The following ASTN2 variants were observed in gnomAD, a reference collection of about 807,000 sequenced individuals.
The protein encoded by ASTN2 is astrotactin-2.
ASTN2 carries 54 observed loss-of-function variants against 139.8 expected under a neutral mutation model. The ratio of observed to expected loss-of-function variants is 0.39; its 90% CI spans 0.31 to 0.48. The LOEUF (loss-of-function observed/expected upper bound fraction) is 0.48, where lower values mean the gene tolerates loss of function less well. Ranked by LOEUF, ASTN2 falls within the 20% of genes least tolerant of loss-of-function variation. The pLI is 0.95. For missense variants in ASTN2, 1,565 were observed against 1,725.1 expected, an observed-to-expected ratio of 0.91 and a Z score of 1.64; for synonymous variants, 756 against 719.5, an observed-to-expected ratio of 1.05 and a Z score of -0.81.
chr9:117,409,429 C>T (rs889991462), intron 1 of ASTN2, among the ~76,000 whole-genome samples: 8 of 152,158 alleles, frequency 5.3e-5, no homozygotes, highest in Non-Finnish European at 7.4e-5. Flanking sequence ...GTCCATTCTT[C>T]GAATGTCTGC....
intron 19 of ASTN2, among the ~76,000 whole-genome samples, chr9:116,566,222 G>A (rs1853224382): frequency 6.6e-6 from 1 of 152,156 alleles, no homozygotes; most frequent in Non-Finnish European, 1.5e-5. Context: ...AATCAATGTT[G>A]AGTCATGCAC....
At chr9:117,173,581 A>G (rs1379797310) in intron 3 of ASTN2, among the ~76,000 whole-genome samples, 1 of 152,122 alleles carries the variant, frequency 6.6e-6, no homozygotes, top group Non-Finnish European at 1.5e-5. Flanking sequence ...AGTGTTAATA[A>G]CAAAAAGTTT....
chr9:116,835,716 C>T (rs892289227), intron 11 of ASTN2, among the ~76,000 whole-genome samples: 24 of 152,132 alleles, frequency 1.6e-4, no homozygotes, highest in Admixed American at 8.5e-4. Context: ...TGTCACAGGC[C>T]GTGGTCACTC....
At position 116,699,074 on chromosome 9, in the gene ASTN2, G is replaced by T. The variant is rs780303807; in HGVS notation, c.2806+26697C>A. On this transcript the variant is annotated intron_variant, in intron 16 of 22. Transcript: ENST00000313400. The surrounding 1 kb of genome is among the most constrained non-coding windows in gnomAD (Gnocchi z 4.2). The stretch of plus-strand genomic sequence containing the variant: ...TGAACTGCCAGGGGCTGATTGGTGT[G>T]ACTGACAGCTATGATAACTCCCTCA... 2.5e-6 allele frequency: 4 copies of T among 1,613,996 alleles called. No individual in the cohort carries two copies. The highest frequency in any genetic ancestry group is 3.4e-6 in the Non-Finnish European group (4 of 1,179,978).
At chr9:116,966,854 G>A (rs902690941) in intron 10 of ASTN2, among the ~76,000 whole-genome samples, 1 of 151,958 alleles carries the variant, frequency 6.6e-6, no homozygotes, top group Non-Finnish European at 1.5e-5. Context: ...ACACTTAATA[G>A]ACCAAATGCT....
chr9:116,426,773 A>G (rs139010358), intron 22 of ASTN2, among the ~76,000 whole-genome samples: 1 of 151,876 alleles, frequency 6.6e-6, no homozygotes, highest in African/African-American at 2.4e-5. Flanking sequence ...TATGTCCCCA[A>G]ATCAGAACTT....
Position 117,280,064 on chromosome 9 carries a change from T to C in ASTN2, c.630+11262A>G, listed in dbSNP as rs143350236. ...TCCTCCAATTTGTGACAATTACTGT[T>C]TTCCTTGTTGTTGTTTTTGTTGTTT... On this transcript the variant is annotated intron_variant, in intron 2 of 22. Coordinates refer to ENST00000313400, the MANE Select transcript of ASTN2 (RefSeq NM_001365068.1). Among the ~76,000 whole-genome samples, 74 of 152,342 alleles carry C rather than the reference T, an allele frequency of 4.9e-4. No homozygotes were observed. In the Middle Eastern group the frequency reaches 0.01, roughly 21 times the overall value.
At chr9:116,979,520 A>AGGGGC (rs1836448825) in intron 7 of ASTN2, among the ~76,000 whole-genome samples, 1 of 152,168 alleles carries the variant, frequency 6.6e-6, no homozygotes, top group Admixed American at 6.5e-5. Context: ...CAAAGCGAGG[A>AGGGGC]GGGGCAGGAG....
intron 13 of ASTN2, among the ~76,000 whole-genome samples, chr9:116,791,944 G>T (rs1465032649): frequency 6.6e-6 from 1 of 152,096 alleles, no homozygotes; most frequent in Non-Finnish European, 1.5e-5. Context: ...AGCACCTCTT[G>T]CAGTCTAGAG....
rs557678913 is a variant in ASTN2, at chr9:117,281,944, G to A, written c.630+9382C>T. 1.4e-4 allele frequency among the ~76,000 whole-genome samples: 22 copies of A among 152,082 alleles called. No individual in the cohort carries two copies. In the East Asian group the frequency reaches 1.6e-3, roughly 11 times the overall value. On this transcript the variant is annotated intron_variant, in intron 2 of 22. Coordinates refer to ENST00000313400, the MANE Select transcript of ASTN2 (RefSeq NM_001365068.1). ...GCCCGCCCTTCACTCCATCTACCTC[G>A]CTACCCGACTCCCAGCCCTTTCTTG...
intron 5 of ASTN2, among the ~76,000 whole-genome samples, chr9:117,071,845 G>C (rs1177350403): frequency 6.6e-6 from 1 of 152,112 alleles, no homozygotes; most frequent in African/African-American, 2.4e-5. Flanking sequence ...TCCCAGGTGA[G>C]GCAATGCCTA....
intron 19 of ASTN2, among the ~76,000 whole-genome samples, chr9:116,569,480 A>G (rs1853401860): frequency 6.6e-6 from 1 of 152,230 alleles, no homozygotes; most frequent in South Asian, 2.1e-4. Context: ...CCAGTAAAGA[A>G]CTAGACAATC....
chr9:116,758,090 C>T (rs1272941238), intron 13 of ASTN2, among the ~76,000 whole-genome samples: 1 of 152,144 alleles, frequency 6.6e-6, no homozygotes, highest in African/African-American at 2.4e-5. Flanking sequence ...GTTTCCTCCC[C>T]TGTAAAATGA....
At chr9:117,250,190 G>T (rs1319112302) in intron 2 of ASTN2, among the ~76,000 whole-genome samples, 1 of 152,192 alleles carries the variant, frequency 6.6e-6, no homozygotes, top group East Asian at 1.9e-4. Flanking sequence ...GGAACTGGCA[G>T]AACCAGCAAT....
intron 1 of ASTN2, among the ~76,000 whole-genome samples, chr9:117,358,021 G>C (rs984524054): frequency 1.3e-5 from 2 of 152,092 alleles, no homozygotes; most frequent in African/African-American, 2.4e-5. Flanking sequence ...TAAAGTTGAA[G>C]TTTCTTTTAA....
chr9:116,943,400 C>CT (rs1835292691), intron 10 of ASTN2, among the ~76,000 whole-genome samples: 1 of 152,100 alleles, frequency 6.6e-6, no homozygotes, highest in African/African-American at 2.4e-5. Flanking sequence ...AACTAGCCTG[C>CT]TTACATAAGT....
chr9:117,214,887 C>G, intron 2 of ASTN2, 145 bp from the exon 3 acceptor site: 1 of 1,012,802 alleles, frequency 9.9e-7, no homozygotes, highest in East Asian at 3.1e-5. Flanking sequence ...GGTTTTTAAG[C>G]TAGAGAGACA....
intron 2 of ASTN2, among the ~76,000 whole-genome samples, chr9:117,226,573 C>A (rs1157798788): frequency 6.6e-6 from 1 of 151,502 alleles, no homozygotes; most frequent in Non-Finnish European, 1.5e-5. Flanking sequence ...GCAGAAAGCT[C>A]ACAGGTCCTC....
At chr9:116,782,427 C>T (rs73521397) in intron 13 of ASTN2, among the ~76,000 whole-genome samples, 1,574 of 152,252 alleles carry the variant, frequency 0.01, 32 homozygotes, top group African/African-American at 0.036. Flanking sequence ...AGGAGACAGC[C>T]ATTCTTCTTT....
Sources: gnomAD v4.1 joint callset for allele counts (sites outside exome capture counted in the v4.1 genomes callset) on GRCh38, gnomAD v4.1.1 for gene constraint, Gnocchi (gnomAD v3.1) non-coding constraint, MANE v1.5 for transcripts, NCBI Gene and HGNC (gene_info 2026-07-23, HGNC 2026-07-21) for gene names.